Variants in CD38 observed in about 807,000 individuals in gnomAD.
CD38 encodes the protein CD38 molecule, also known as ADP-ribosyl cyclase/cyclic ADP-ribose hydrolase 1.
Under a neutral mutation model 36.3 loss-of-function variants are expected in CD38, and 31 were observed. The observed-to-expected ratio is 0.85, with a 90% confidence interval of 0.64 to 1.15. CD38 has a LOEUF of 1.15. CD38 is among the 50% of genes most tolerant of loss of function. CD38 has a pLI of 0.00. For missense variants in CD38, 380 were observed against 371.9 expected (o/e 1.02, Z -0.18); for synonymous variants, 131 against 135.2 (o/e 0.97, Z 0.22).
At chr4:15,833,464 T>C (rs1476374196) in intron 3 of CD38, among the ~76,000 whole-genome samples, 3 of 152,234 alleles carry the variant, frequency 2.0e-5, no homozygotes, top group Non-Finnish European at 4.4e-5. Context: ...GGGAAGATAA[T>C]TCCTTTTGAC....
At position 15,852,750 on chromosome 4, in the gene CD38, T is replaced by G. The variant is rs1037654670; in HGVS notation, c.*4148T>G. 6 of 151,892 alleles carry G rather than the reference T, an allele frequency of 4.0e-5. No individual in the cohort carries two copies. The highest frequency in any genetic ancestry group is 5.9e-5 in the Non-Finnish European group (4 of 68,012). The allele number at this position is 151,892 out of a possible 1,614,324, so 9.4% of individuals were successfully genotyped here. A position where few individuals can be genotyped will look rare whatever the true frequency, so the allele number is the denominator to read the frequency against. ...CAGAGAAGTGGTGATTAGCTTGGCC[T>G]TAGCTCACCCACACAAAGCACAACA... On this transcript the variant is annotated 3_prime_UTR_variant, in exon 8 of 8. Transcript: ENST00000226279.
intron 1 of CD38, among the ~76,000 whole-genome samples, chr4:15,796,837 G>C (rs1397476878): frequency 6.6e-6 from 1 of 151,744 alleles, no homozygotes; most frequent in Non-Finnish European, 1.5e-5. Context: ...TAATTATATA[G>C]ATTCCACTTT....
At chr4:15,829,304 C>A (rs906464426) in intron 3 of CD38, among the ~76,000 whole-genome samples, 8 of 151,988 alleles carry the variant, frequency 5.3e-5, no homozygotes, top group African/African-American at 1.5e-4. Flanking sequence ...ATATACAGTG[C>A]ATAATAATTA....
At position 15,778,470 on chromosome 4, in the gene CD38, C is replaced by CT; in HGVS notation, c.57dup (p.Arg20Ter). 6.2e-7 allele frequency: 1 copy of CT among 1,613,952 alleles called. No individual in the cohort carries two copies. The highest frequency in any genetic ancestry group is 8.5e-7 in the Non-Finnish European group (1 of 1,179,982). On this transcript the variant is annotated frameshift_variant, in exon 1 of 8. Transcript: ENST00000226279. LOFTEE classifies it high-confidence loss of function. The surrounding 1 kb of genome is among the most constrained non-coding windows in gnomAD (Gnocchi z 4.9). ...GGGGACAAACCCTGCTGCCGGCTCTCTAGGAGAGCCCAACTCTGTCTTGGC... is the reference window on the plus strand; with the variant it reads ...GGGGACAAACCCTGCTGCCGGCTCTCTTAGGAGAGCCCAACTCTGTCTTGGC...
At position 15,852,566 on chromosome 4, in the gene CD38, TA is replaced by T. The variant is rs1724410837; in HGVS notation, c.*3966del. The T allele has an allele frequency of 6.6e-6, 1 of 152,206 alleles. No individual in the cohort carries two copies. The highest frequency in any genetic ancestry group is 1.5e-5 in the Non-Finnish European group (1 of 68,046). 9.4% of individuals were successfully genotyped at this position (152,206 alleles called of 1,614,324 possible). ...ATACACCTAGAATACTGTATAACTT[TA>T]AGTCATTTTATCAACACATTGCTAA... On this transcript the variant is annotated 3_prime_UTR_variant, in exon 8 of 8. Transcript: ENST00000226279.
intron 1 of CD38, among the ~76,000 whole-genome samples, chr4:15,790,949 C>T (rs1201780732): frequency 7.4e-5 from 11 of 149,634 alleles, no homozygotes; most frequent in Non-Finnish European, 1.5e-4. Context: ...GCAACCGCCC[C>T]GTCTGAGAAG....
At chr4:15,808,961 T>C (rs1183537506) in intron 1 of CD38, among the ~76,000 whole-genome samples, 2 of 152,152 alleles carry the variant, frequency 1.3e-5, no homozygotes, top group Non-Finnish European at 2.9e-5. Context: ...GGGTATGTGG[T>C]CTGGACTTGG....
At chr4:15,805,163 T>G (rs902659632) in intron 1 of CD38, among the ~76,000 whole-genome samples, 1 of 152,232 alleles carries the variant, frequency 6.6e-6, no homozygotes, top group Non-Finnish European at 1.5e-5. Flanking sequence ...AAATATTTTC[T>G]TTCATTTTAT....
intron 1 of CD38, among the ~76,000 whole-genome samples, chr4:15,804,004 A>G (rs1233765188): frequency 6.6e-6 from 1 of 152,208 alleles, no homozygotes; most frequent in Non-Finnish European, 1.5e-5. Flanking sequence ...TTGTGGCTGC[A>G]TGGTATTCCA....
At chr4:15,826,107 A>G (rs542344173) in intron 3 of CD38, 20 of 152,242 alleles carry the variant, frequency 1.3e-4, no homozygotes, top group South Asian at 2.1e-4. Flanking sequence ...AAAATAAAGC[A>G]TGATTATTTG....
chr4:15,822,510 C>A (rs1244124707), intron 2 of CD38, among the ~76,000 whole-genome samples: 1 of 152,140 alleles, frequency 6.6e-6, no homozygotes, highest in African/African-American at 2.4e-5. Context: ...GATACAAAAT[C>A]AATGTGCAAA....
intron 1 of CD38, among the ~76,000 whole-genome samples, chr4:15,800,320 G>T (rs1723192887): frequency 6.6e-6 from 1 of 152,066 alleles, no homozygotes; most frequent in Non-Finnish European, 1.5e-5. Flanking sequence ...TGAACACCCA[G>T]AAATAGAATA....
At chr4:15,821,446 T>A (rs1001163439) in intron 2 of CD38, among the ~76,000 whole-genome samples, 1 of 151,686 alleles carries the variant, frequency 6.6e-6, no homozygotes, top group African/African-American at 2.4e-5. Context: ...GATCGCTAGC[T>A]AGACTAATAA....
rs1336174530 is a variant in CD38 at position 15,852,193 on chromosome 4, C to T, written c.*3591C>T. The stretch of plus-strand genomic sequence containing the variant: ...CCATTTGTGTCAACGTGTTTAGTGC[C>T]ATGTCCACGTCTCTCATGTAACTGG... On this transcript the variant is annotated 3_prime_UTR_variant, in exon 8 of 8. Transcript: ENST00000226279. 1 of 152,228 alleles carries T rather than the reference C, an allele frequency of 6.6e-6. No homozygotes were observed. The highest frequency in any genetic ancestry group is 2.4e-5 in the African/African-American group (1 of 41,446). The allele number at this position is 152,228 out of a possible 1,614,324, so 9.4% of individuals were successfully genotyped here. A position where few individuals can be genotyped will look rare whatever the true frequency, so the allele number is the denominator to read the frequency against.
At chr4:15,837,374 G>A (rs547442222) in intron 4 of CD38, among the ~76,000 whole-genome samples, 1 of 152,084 alleles carries the variant, frequency 6.6e-6, no homozygotes, top group African/African-American at 2.4e-5. Flanking sequence ...TTGTGGGTAG[G>A]TTAAACTCAT....
chr4:15,839,401 G>GA (rs1724150232), intron 5 of CD38, among the ~76,000 whole-genome samples: 1 of 141,248 alleles, frequency 7.1e-6, no homozygotes, highest in Non-Finnish European at 1.5e-5. Context: ...TATAGTGGTT[G>GA]AAATTCTACA....
chr4:15,833,269 T>G (rs916872459), intron 3 of CD38, among the ~76,000 whole-genome samples: 2 of 152,156 alleles, frequency 1.3e-5, no homozygotes, highest in Non-Finnish European at 1.5e-5. Flanking sequence ...CCAAGGCCCA[T>G]GACATACTAA....
rs1723821845 is a variant in CD38, at chr4:15,825,181, T to C, written c.499+165T>C. The stretch of plus-strand genomic sequence containing the variant: ...ATTTGTGTTGCTATTAAGGAATACC[T>C]GAGGCTGCGTAATTTATAAAGAAAA... On this transcript the variant is annotated intron_variant, in intron 3 of 7. Transcript: ENST00000226279. 2.0e-5 allele frequency: 12 copies of C among 597,078 alleles called. 1 individual carries two copies. The Admixed American group carries it at 3.2e-4, about 16-fold the overall frequency. The allele number at this position is 597,078 out of a possible 1,614,324, so 37.0% of individuals were successfully genotyped here. A position where few individuals can be genotyped will look rare whatever the true frequency, so the allele number is the denominator to read the frequency against.
intron 1 of CD38, among the ~76,000 whole-genome samples, chr4:15,815,747 C>T (rs1406890791): frequency 2.0e-5 from 3 of 152,086 alleles, no homozygotes; most frequent in African/African-American, 7.2e-5. Flanking sequence ...TATATGAGTA[C>T]ACTTTATTTA....
Sources: gnomAD v4.1 joint callset for allele counts (sites outside exome capture counted in the v4.1 genomes callset) on GRCh38, gnomAD v4.1.1 for gene constraint, Gnocchi (gnomAD v3.1) non-coding constraint, MANE v1.5 for transcripts, NCBI Gene and HGNC (gene_info 2026-07-23, HGNC 2026-07-21) for gene names.